DMTN: variants seen among roughly 807,000 people sequenced by gnomAD.
The protein encoded by DMTN is dematin actin binding protein.
Under a neutral mutation model 59.4 loss-of-function variants are expected in DMTN, and 27 were observed. That is an observed-to-expected ratio of 0.45 (90% confidence interval 0.33 to 0.63). The LOEUF (loss-of-function observed/expected upper bound fraction) is 0.63. Ranked by LOEUF, DMTN falls within the 20% of genes least tolerant of loss-of-function variation. The pLI, the probability that DMTN is intolerant of heterozygous loss-of-function variation, is 0.02. For missense variants in DMTN, 451 were observed against 528.9 expected (o/e 0.85, Z 1.45); for synonymous variants, 221 against 203.7 (o/e 1.08, Z -0.72).
At chr8:22,076,822 C>T (rs545755222) in intron 10 of DMTN, among the ~76,000 whole-genome samples, 17 of 151,930 alleles carry the variant, frequency 1.1e-4, no homozygotes, top group African/African-American at 3.9e-4. Context: ...TGGTTGAGAT[C>T]GAGCCCCAGA....
intron 10 of DMTN, among the ~76,000 whole-genome samples, chr8:22,077,998 T>A (rs1820989233): frequency 6.6e-6 from 1 of 152,060 alleles, no homozygotes; most frequent in Non-Finnish European, 1.5e-5. Flanking sequence ...TAAATAAAAA[T>A]AAGTGTTAGG....
chr8:22,072,785 GTCTT>G (rs1317372633), intron 9 of DMTN, among the ~76,000 whole-genome samples: 1 of 152,068 alleles, frequency 6.6e-6, no homozygotes, highest in Non-Finnish European at 1.5e-5. Flanking sequence ...CACCCTGTGT[GTCTT>G]TCTGGGGACA....
chr8:22,065,939 CA>C (rs1451384743), intron 1 of DMTN, among the ~76,000 whole-genome samples: 1 of 146,960 alleles, frequency 6.8e-6, no homozygotes, highest in Non-Finnish European at 1.5e-5. Flanking sequence ...CTCCTGGGCT[CA>C]AGTGATCCTC....
At chr8:22,079,263 TAAATAA>T (rs1403582604) in intron 10 of DMTN, among the ~76,000 whole-genome samples, 48 of 32,966 alleles carry the variant, frequency 1.5e-3, no homozygotes, top group African/African-American at 4.5e-3. Flanking sequence ...TAAAAATAAA[TAAATAA>T]ATAAATAAAT....
In DMTN at chr8:22,082,266, C is replaced by T. The variant is rs764069355; in HGVS notation, c.*803C>T. ...CTACCAGCTCTCACCTACACCCACGCACCCCCCCACACACTATGCTCTCTC... is the reference window on the plus strand; with the variant it reads ...CTACCAGCTCTCACCTACACCCACGTACCCCCCCACACACTATGCTCTCTC... On this transcript the variant is annotated 3_prime_UTR_variant, in exon 16 of 16. Transcript: ENST00000358242. The T allele has an allele frequency of 2.2e-6, 1 of 456,978 alleles. No individual in the cohort carries two copies. The highest frequency in any genetic ancestry group is 1.5e-5 in the South Asian group (1 of 64,568). The allele number at this position is 456,978 out of a possible 1,614,324, so 28.3% of individuals were successfully genotyped here.
At chr8:22,061,548 CAGAT>C (rs1289945236) in intron 1 of DMTN, among the ~76,000 whole-genome samples, 1 of 152,074 alleles carries the variant, frequency 6.6e-6, no homozygotes, top group Non-Finnish European at 1.5e-5. Context: ...ACCACTCTGA[CAGAT>C]AGCCACTTTC....
rs1415332529 is a variant in DMTN at position 22,080,604 on chromosome 8, C to G, written c.950-14C>G. On this transcript the variant is annotated splice_polypyrimidine_tract_variant and intron_variant, in intron 12 of 15. Transcript: ENST00000358242. ...TCAGAGCTGCATCTGACCCATGCCC[C>G]TTCTCTCCCGCAGGCCTGCAGGTGA... 6.2e-7 allele frequency: 1 copy of G among 1,609,590 alleles called. No individual in the cohort carries two copies. Among genetic ancestry groups the G allele is most frequent in the Admixed American group, 1.7e-5 (1 of 59,112 alleles).
In DMTN at chr8:22,070,358, A is replaced by G. The variant is rs757608298; in HGVS notation, c.604+24A>G. On this transcript the variant is annotated intron_variant, in intron 8 of 15. Coordinates refer to ENST00000358242, the MANE Select transcript of DMTN (RefSeq NM_001387751.1). ...GGGTAGGAGAGATGGGGAGAGTGGA[A>G]TGGGTGGTCTGGGAAACTCCTGCAC... 9 of 1,574,492 alleles carry G rather than the reference A, an allele frequency of 5.7e-6. No homozygotes were observed. The South Asian group carries it at 1.1e-4, about 19-fold the overall frequency.
At chr8:22,074,370 C>T (rs1563506292) in intron 10 of DMTN, among the ~76,000 whole-genome samples, 1 of 152,218 alleles carries the variant, frequency 6.6e-6, no homozygotes, top group Non-Finnish European at 1.5e-5. Flanking sequence ...ACCTCTCAGG[C>T]TCAAGCAATC....
chr8:22,066,463 G>T, intron 1 of DMTN: 1 of 154,494 alleles, frequency 6.5e-6, no homozygotes, highest in South Asian at 2.0e-4. Flanking sequence ...CCAGGCCGTG[G>T]AGGCCTCCGC....
At chr8:22,059,824 G>A (rs1805018784) in intron 1 of DMTN, among the ~76,000 whole-genome samples, 2 of 152,198 alleles carry the variant, frequency 1.3e-5, no homozygotes, top group Admixed American at 6.5e-5. Flanking sequence ...TTCTGCCTGC[G>A]GAGGCTTCAT....
chr8:22,082,202 G>T lies in DMTN; in HGVS notation c.*739G>T, dbSNP rs916035731. The stretch of plus-strand genomic sequence containing the variant: ...GGGCCTTCCGCCTCCCTTGGATGGG[G>T]TCAAGAGGCCAGGCCTGGCACATTT... On this transcript the variant is annotated 3_prime_UTR_variant, in exon 16 of 16. Transcript: ENST00000358242. The T allele has an allele frequency of 2.2e-6, 1 of 456,960 alleles. No homozygotes were observed. The highest frequency in any genetic ancestry group is 1.5e-5 in the South Asian group (1 of 64,576). 28.3% of individuals were successfully genotyped at this position (456,960 alleles called of 1,614,324 possible). A position where few individuals can be genotyped will look rare whatever the true frequency, so the allele number is the denominator to read the frequency against.
rs913470435 is a variant in DMTN at position 22,070,477 on chromosome 8, C to G, written c.604+143C>G. 20 of 1,031,820 alleles carry G rather than the reference C, an allele frequency of 1.9e-5. No individual in the cohort carries two copies. In the African/African-American group the frequency reaches 2.8e-4, roughly 15 times the overall value. The allele number at this position is 1,031,820 out of a possible 1,614,324, so 63.9% of individuals were successfully genotyped here. On this transcript the variant is annotated intron_variant, in intron 8 of 15. Coordinates refer to ENST00000358242, the MANE Select transcript of DMTN (RefSeq NM_001387751.1). Reference sequence around the variant, plus strand: ...GCTTTTTCCTACCTTCAGGAGCCCCCAGGCTCCTTGCTCACTCACTCTCTG... The same window carrying G: ...GCTTTTTCCTACCTTCAGGAGCCCCGAGGCTCCTTGCTCACTCACTCTCTG...
upstream of DMTN, among the ~76,000 whole-genome samples, chr8:22,053,247 G>A: frequency 6.6e-6 from 1 of 152,108 alleles, no homozygotes; most frequent in East Asian, 1.9e-4. Flanking sequence ...GCAGGGAGGA[G>A]ATGGTGAGGG....
Position 22,069,474 on chromosome 8 carries a change from C to T in DMTN, c.350C>T (p.Thr117Ile). 6.2e-7 allele frequency: 1 copy of T among 1,613,472 alleles called. No individual in the cohort carries two copies. Among genetic ancestry groups the T allele is most frequent in the Non-Finnish European group, 8.5e-7 (1 of 1,179,630 alleles). ...ATCTCTCAGGCCTCGGCCCCCAGAA[C>T]CACTGGAACCCCCCGGACCAGCCTG... is the stretch of plus-strand genomic sequence containing the variant. ...GIISQASAPR[T>I]TGTPRTSLPH... is the part of the protein sequence containing the mutation. Residue 117 changes from threonine (T) to isoleucine (I), a missense_variant, in exon 6 of 16, where the codon ACC becomes ATC. Thr to Ile is a moderately conservative substitution (Grantham distance 89, BLOSUM62 -1). Transcript: ENST00000358242.
In DMTN at chr8:22,082,082, G is replaced by T. The variant is rs1216789686; in HGVS notation, c.*619G>T. ...GCTTCCCCAGAAGCCTGGGCTTAGG[G>T]TGGAGATGCCGCCTACACACGATCC... is the stretch of plus-strand genomic sequence containing the variant. On this transcript the variant is annotated 3_prime_UTR_variant, in exon 16 of 16. Coordinates refer to ENST00000358242, the MANE Select transcript of DMTN (RefSeq NM_001387751.1). 1 of 456,734 alleles carries T rather than the reference G, an allele frequency of 2.2e-6. No individual in the cohort carries two copies. The highest frequency in any genetic ancestry group is 4.4e-6 in the Non-Finnish European group (1 of 226,970). The allele number at this position is 456,734 out of a possible 1,614,324, so 28.3% of individuals were successfully genotyped here.
intron 9 of DMTN, 145 bp downstream of exon 9, chr8:22,072,595 C>T: frequency 1.5e-6 from 1 of 686,750 alleles, no homozygotes; most frequent in Non-Finnish European, 2.1e-6. Context: ...TCTTGCATAG[C>T]TGGGATTACA....
rs778091986 is a variant in DMTN, at chr8:22,070,354, T to A, written c.604+20T>A. On this transcript the variant is annotated intron_variant, in intron 8 of 15. Transcript: ENST00000358242. ...TTGTGGGTAGGAGAGATGGGGAGAGTGGAATGGGTGGTCTGGGAAACTCCT... is the reference window on the plus strand; with the variant it reads ...TTGTGGGTAGGAGAGATGGGGAGAGAGGAATGGGTGGTCTGGGAAACTCCT... 27 of 1,574,304 alleles carry A rather than the reference T, an allele frequency of 1.7e-5. No homozygotes were observed. The East Asian group carries it at 5.7e-4, about 33-fold the overall frequency.
chr8:22,063,240 C>T (rs910413686), intron 1 of DMTN, among the ~76,000 whole-genome samples: 2 of 152,174 alleles, frequency 1.3e-5, no homozygotes, highest in African/African-American at 2.4e-5. Flanking sequence ...CTGCTTTGCA[C>T]ATTCTGCCTC....
Sources: gnomAD v4.1 joint callset for allele counts (sites outside exome capture counted in the v4.1 genomes callset) on GRCh38, gnomAD v4.1.1 for gene constraint, MANE v1.5 for transcripts, NCBI Gene and HGNC (gene_info 2026-07-23, HGNC 2026-07-21) for gene names.